The following CIB1 variants were observed in gnomAD, a reference collection of about 807,000 sequenced individuals.
CIB1 encodes the protein calcium and integrin-binding protein 1.
In CIB1, 19 loss-of-function variants were observed where a neutral mutation model predicts 25.0. That is an observed-to-expected ratio of 0.76 (90% CI 0.53 to 1.12). The LOEUF (loss-of-function observed/expected upper bound fraction) is 1.12, where lower values mean the gene tolerates loss of function less well. CIB1 is among the 50% of genes most tolerant of loss of function. The probability of loss-of-function intolerance (pLI) is 0.00; values close to 1 mark genes in which losing one functional copy is unlikely to be tolerated. For missense variants in CIB1, 236 were observed against 242.6 expected (o/e 0.97, Z 0.18); for synonymous variants, 104 against 98.5 (o/e 1.06, Z -0.33).
At chr15:90,245,505 A>G in the CIB1 span, 1 of 150,986 alleles carries the variant, frequency 6.6e-6, no homozygotes, top group Non-Finnish European at 1.5e-5. Context: ...ACAGTTTACC[A>G]TTCTATCAGA....
chr15:90,262,573 C>T, the CIB1 span: 6 of 1,534,818 alleles, frequency 3.9e-6, no homozygotes, highest in African/African-American at 1.4e-5. Flanking sequence ...GGGACCAGAA[C>T]CAGGGTGAAT....
chr15:90,236,439 T>C (rs1041866863), upstream of CIB1, among the ~76,000 whole-genome samples: 4 of 152,256 alleles, frequency 2.6e-5, no homozygotes, highest in African/African-American at 7.2e-5. Context: ...GAACCCTTCA[T>C]GGAACAACCT....
At chr15:90,258,810 G>A in the CIB1 span, 2 of 1,614,176 alleles carry the variant, frequency 1.2e-6, no homozygotes, top group Non-Finnish European at 1.7e-6. Context: ...GCACTTCTCT[G>A]TGATGCTATG....
the CIB1 span, chr15:90,259,150 C>A: frequency 3.0e-6 from 3 of 1,006,584 alleles, no homozygotes; most frequent in Non-Finnish European, 4.1e-6. Context: ...ATTGCTTGAG[C>A]CCTAGAGTTC....
chr15:90,262,043 G>C, the CIB1 span: 1 of 1,535,702 alleles, frequency 6.5e-7, no homozygotes. Flanking sequence ...GGCAATGCTG[G>C]ACCAGGAACG....
At chr15:90,250,708 A>G in the CIB1 span, 1 of 1,614,186 alleles carries the variant, frequency 6.2e-7, no homozygotes, top group Non-Finnish European at 8.5e-7. Context: ...AGTGTGTTAA[A>G]GAGGGAGTTA....
At chr15:90,258,037 G>A in the CIB1 span, 7 of 1,613,746 alleles carry the variant, frequency 4.3e-6, no homozygotes, top group South Asian at 5.5e-5. Context: ...GGGCCTCGCA[G>A]GAAGCTGTCG....
the CIB1 span, among the ~76,000 whole-genome samples, chr15:90,250,398 G>T: frequency 6.6e-6 from 1 of 152,198 alleles, no homozygotes; most frequent in Non-Finnish European, 1.5e-5. Context: ...ATTGGGGCTT[G>T]TCATCAGGGA....
At chr15:90,258,821 A>G in the CIB1 span, 1 of 1,614,122 alleles carries the variant, frequency 6.2e-7, no homozygotes, top group Non-Finnish European at 8.5e-7. Context: ...TGATGCTATG[A>G]CCCTTGTCAA....
At chr15:90,263,565 A>G in the CIB1 span, 2 of 552,944 alleles carry the variant, frequency 3.6e-6, no homozygotes, top group East Asian at 5.6e-5. Flanking sequence ...CGCTTTCACT[A>G]TTCCCTGGGC....
the CIB1 span, among the ~76,000 whole-genome samples, chr15:90,248,436 C>T: frequency 6.6e-6 from 1 of 151,776 alleles, no homozygotes; most frequent in African/African-American, 2.4e-5. Context: ...TTTTTTAGGC[C>T]GAGTTCAGTG....
the CIB1 span, chr15:90,255,915 T>C: frequency 3.1e-6 from 5 of 1,613,644 alleles, no homozygotes; most frequent in Admixed American, 8.3e-5. Context: ...CATGCTGAGA[T>C]ACCAGGGGGA....
the CIB1 span, chr15:90,264,856 G>GCCCT: frequency 6.5e-7 from 1 of 1,536,038 alleles, no homozygotes; most frequent in Non-Finnish European, 8.7e-7. Context: ...AATGCACCTT[G>GCCCT]CCCTCCATGG....
chr15:90,253,200 C>G, the CIB1 span: 17 of 1,502,708 alleles, frequency 1.1e-5, no homozygotes, highest in Non-Finnish European at 1.6e-5. Context: ...AGTTCCAGGG[C>G]TTGTTGCTGG....
chr15:90,260,056 A>G, the CIB1 span, among the ~76,000 whole-genome samples: 29 of 152,334 alleles, frequency 1.9e-4, no homozygotes, highest in African/African-American at 6.7e-4. Flanking sequence ...AGTGAAGTAG[A>G]ACTGTAATAT....
chr15:90,236,066 TTCACTCCTGTTGCCCAGGC>T (rs1962631008), upstream of CIB1: 1 of 151,970 alleles, frequency 6.6e-6, no homozygotes, highest in Non-Finnish European at 1.5e-5. Context: ...GAGACAGAGT[TTCACTCCTGTTGCCCAGGC>T]TGGAGTGCAA....
chr15:90,230,649 C>T (rs1389511918), intron 6 of CIB1, 144 bp from the exon 7 acceptor site: 1 of 867,510 alleles, frequency 1.2e-6, no homozygotes, highest in Non-Finnish European at 1.8e-6. Context: ...CTCCCCGAGA[C>T]ATCCAGAGGG....
the CIB1 span, among the ~76,000 whole-genome samples, chr15:90,246,187 C>T: frequency 5.9e-5 from 9 of 152,132 alleles, no homozygotes; most frequent in South Asian, 2.1e-4. Context: ...GCGGAAGAAT[C>T]GCTTCAACCC....
the CIB1 span, chr15:90,256,444 T>A: frequency 2.7e-5 from 27 of 1,015,534 alleles, no homozygotes; most frequent in Non-Finnish European, 3.7e-5. Context: ...CAGCCATGGT[T>A]CAGAACCAGC....
Sources: allele counts gnomAD v4.1 joint callset (sites outside exome capture counted in the v4.1 genomes callset), GRCh38; gene constraint gnomAD v4.1.1; transcripts MANE v1.5; gene names NCBI Gene and HGNC (gene_info 2026-07-23, HGNC 2026-07-21).